Variants in NRG1 observed in about 807,000 individuals in gnomAD.
NRG1 encodes the protein neuregulin 1.
In NRG1, 18 loss-of-function variants were observed where a neutral mutation model predicts 63.8. The observed-to-expected ratio is 0.28, with a 90% CI of 0.19 to 0.42. The LOEUF (loss-of-function observed/expected upper bound fraction) is 0.42, where lower values mean the gene tolerates loss of function less well. Ranked by LOEUF, NRG1 falls within the 10% of genes least tolerant of loss-of-function variation. The probability of loss-of-function intolerance (pLI) is 1.00; values close to 1 mark genes in which losing one functional copy is unlikely to be tolerated. For synonymous variants in NRG1, 302 were observed against 301.3 expected (o/e 1.00, Z -0.02); for missense variants, 762 against 814.7 (o/e 0.94, Z 0.79).
intron 5 of NRG1, among the ~76,000 whole-genome samples, chr8:32,635,070 C>T (rs1005273558): frequency 2.0e-5 from 3 of 152,176 alleles, no homozygotes; most frequent in African/African-American, 7.2e-5. Flanking sequence ...AGTCAGGCTT[C>T]TCTTCCATTT....
At chr8:31,928,225 G>A (rs575518297) in intron 1 of NRG1, among the ~76,000 whole-genome samples, 4 of 151,780 alleles carry the variant, frequency 2.6e-5, no homozygotes, top group Admixed American at 6.6e-5. Flanking sequence ...CCACTTGAAA[G>A]TGCTGTTGGC....
intron 1 of NRG1, among the ~76,000 whole-genome samples, chr8:31,709,408 T>C (rs1811512944): frequency 6.6e-6 from 1 of 152,098 alleles, no homozygotes; most frequent in African/African-American, 2.4e-5. Context: ...CTAAGATTCG[T>C]CAGCTGTTTT....
intron 1 of NRG1, among the ~76,000 whole-genome samples, chr8:32,001,621 C>T (rs1022319205): frequency 1.3e-5 from 2 of 151,994 alleles, no homozygotes; most frequent in Non-Finnish European, 2.9e-5. Flanking sequence ...CTGGATACCA[C>T]ACTACATTTA....
intron 1 of NRG1, among the ~76,000 whole-genome samples, chr8:32,168,134 T>C (rs563822879): frequency 1.9e-4 from 29 of 152,088 alleles, no homozygotes; most frequent in Non-Finnish European, 2.4e-4. Context: ...AGAAGAGCAA[T>C]CACAGCCAGT....
chr8:32,451,750 T>A (rs10503916), intron 1 of NRG1, among the ~76,000 whole-genome samples: 114,288 of 152,122 alleles, frequency 0.75, 43,245 homozygotes, highest in East Asian at 0.89. Context: ...ATATCCTTAA[T>A]TTCTAATTCT....
chr8:31,944,799 GT>G (rs1166572756), intron 1 of NRG1, among the ~76,000 whole-genome samples: 1 of 152,184 alleles, frequency 6.6e-6, no homozygotes, highest in Non-Finnish European at 1.5e-5. Context: ...AATTTACGCA[GT>G]AGGTATGTAT....
intron 1 of NRG1, among the ~76,000 whole-genome samples, chr8:32,483,854 C>T (rs999410932): frequency 6.6e-6 from 1 of 152,144 alleles, no homozygotes; most frequent in Non-Finnish European, 1.5e-5. Context: ...CCTGTAATCC[C>T]AGCACTTTGG....
chr8:32,205,410 GATA>G (rs1464890021), intron 1 of NRG1, among the ~76,000 whole-genome samples: 1 of 152,050 alleles, frequency 6.6e-6, no homozygotes, highest in African/African-American at 2.4e-5. Flanking sequence ...AGACATTTGT[GATA>G]ATGACAAAAC....
chr8:32,107,150 C>T (rs867184795), intron 1 of NRG1, among the ~76,000 whole-genome samples: 3 of 151,934 alleles, frequency 2.0e-5, no homozygotes, highest in African/African-American at 2.4e-5. Flanking sequence ...GCAGGAGTAT[C>T]GCTTGAACCC....
intron 5 of NRG1, among the ~76,000 whole-genome samples, chr8:32,705,947 C>A (rs1006693038): frequency 6.6e-6 from 1 of 152,108 alleles, no homozygotes; most frequent in Admixed American, 6.5e-5. Flanking sequence ...TTATCTTTGA[C>A]TATTTCTATA....
At chr8:31,660,524 T>A (rs765412586) in intron 1 of NRG1, among the ~76,000 whole-genome samples, 8 of 152,218 alleles carry the variant, frequency 5.3e-5, no homozygotes, top group Non-Finnish European at 1.2e-4. Context: ...TTCGTTTTGA[T>A]TTGGAAAAAC....
chr8:32,348,229 A>C (rs558877332), intron 1 of NRG1, among the ~76,000 whole-genome samples: 2 of 152,152 alleles, frequency 1.3e-5, no homozygotes, highest in African/African-American at 4.8e-5. Context: ...TATCCTCTTT[A>C]AGCCCCTTCT....
intron 1 of NRG1, among the ~76,000 whole-genome samples, chr8:32,469,844 T>C (rs984112780): frequency 1.3e-5 from 2 of 152,068 alleles, no homozygotes; most frequent in Non-Finnish European, 2.9e-5. Flanking sequence ...CCACTTGGTG[T>C]GGGAAAAGGA....
chr8:32,183,167 A>G (rs1199772610), intron 1 of NRG1, among the ~76,000 whole-genome samples: 6 of 152,194 alleles, frequency 3.9e-5, no homozygotes, highest in East Asian at 1.9e-4. Context: ...CTGGGCTGGT[A>G]TGACATTCTT....
chr8:32,139,192 CTTCT>C, intron 1 of NRG1: 1 of 152,270 alleles, frequency 6.6e-6, no homozygotes. Context: ...AATCTTTCTT[CTTCT>C]ATGTCCTTTT....
At chr8:31,673,798 A>G (rs888309658) in intron 1 of NRG1, among the ~76,000 whole-genome samples, 5 of 152,288 alleles carry the variant, frequency 3.3e-5, no homozygotes, top group South Asian at 2.1e-4. Context: ...TGACTTTCAA[A>G]TATTAAAAAT....
intron 1 of NRG1, among the ~76,000 whole-genome samples, chr8:31,800,005 G>T (rs1166407380): frequency 6.6e-6 from 1 of 152,172 alleles, no homozygotes; most frequent in Non-Finnish European, 1.5e-5. Flanking sequence ...ACCTATACAG[G>T]TTAATTGATG....
In NRG1 at chr8:31,642,999, TGA is replaced by T. The variant is rs796160947; in HGVS notation, c.37+3577_37+3578del. On this transcript the variant is annotated intron_variant, in intron 1 of 10. Transcript: ENST00000519301. Reference sequence around the variant, plus strand: ...GTAAAAGTGTGTGTGTGTGTGTGTGTGAGAGAGAGAATGAATGAATGTGTGAA... The same window carrying T: ...GTAAAAGTGTGTGTGTGTGTGTGTGTGAGAGAGAATGAATGAATGTGTGAA... 1.9e-4 allele frequency among the ~76,000 whole-genome samples: 28 copies of T among 144,708 alleles called. 1 individual carries two copies. Among genetic ancestry groups the T allele is most frequent in the South Asian group, 1.3e-3 (6 of 4,562 alleles). 94.9% of individuals were successfully genotyped at this position (144,708 alleles called of 152,430 possible).
downstream of NRG1, among the ~76,000 whole-genome samples, chr8:32,771,178 T>G (rs985943391): frequency 6.6e-6 from 1 of 151,996 alleles, no homozygotes; most frequent in Non-Finnish European, 1.5e-5. Context: ...TGGTTCAATT[T>G]TAGCTCACTG....
Sources: gnomAD v4.1 joint callset for allele counts (sites outside exome capture counted in the v4.1 genomes callset) on GRCh38, gnomAD v4.1.1 for gene constraint, MANE v1.5 for transcripts, NCBI Gene and HGNC (gene_info 2026-07-23, HGNC 2026-07-21) for gene names.